The following CNOT6L variants were observed in gnomAD, a reference collection of about 807,000 sequenced individuals.
CNOT6L encodes CCR4-NOT transcription complex subunit 6-like.
CNOT6L carries 7 observed loss-of-function variants against 64.0 expected under a neutral mutation model. The ratio of observed to expected loss-of-function variants is 0.11; its 90% CI spans 0.06 to 0.21. The LOEUF (loss-of-function observed/expected upper bound fraction) is 0.21, where lower values mean the gene tolerates loss of function less well. CNOT6L is among the 10% of genes least tolerant of loss of function. The pLI, the probability that CNOT6L is intolerant of heterozygous loss-of-function variation, is 1.00. For missense variants in CNOT6L, 245 were observed against 669.0 expected (o/e 0.37, Z 6.99); for synonymous variants, 193 against 243.4 (o/e 0.79, Z 1.93).
intron 4 of CNOT6L, among the ~76,000 whole-genome samples, chr4:77,764,603 T>C (rs1207658666): frequency 6.6e-6 from 1 of 152,148 alleles, no homozygotes; most frequent in Non-Finnish European, 1.5e-5. Flanking sequence ...CAGTAACATC[T>C]TTCTGGCAAA....
At position 77,744,701 on chromosome 4, in the gene CNOT6L, AATTTCT is replaced by A. The variant is rs766380684; in HGVS notation, c.717+11_717+16del. The A allele has an allele frequency of 4.4e-6, 7 of 1,592,590 alleles. No homozygotes were observed. In the South Asian group the frequency reaches 8.0e-5, roughly 18 times the overall value. On this transcript the variant is annotated intron_variant, in intron 7 of 11. Coordinates refer to ENST00000504123, the MANE Select transcript of CNOT6L (RefSeq NM_144571.3). ...TCACCTTTTAAGTTAAAGACAGTTT[AATTTCT>A]ATGGTGTTACCTGAAGACTAATGAT...
intron 1 of CNOT6L, among the ~76,000 whole-genome samples, chr4:77,806,746 T>A (rs1732269583): frequency 6.6e-6 from 1 of 152,118 alleles, no homozygotes; most frequent in African/African-American, 2.4e-5. Flanking sequence ...CCCTCCACGA[T>A]CATTCTCCAA....
chr4:77,816,705 T>C (rs1167305042), intron 1 of CNOT6L, among the ~76,000 whole-genome samples: 2 of 152,124 alleles, frequency 1.3e-5, no homozygotes. Context: ...TACAAATAAA[T>C]TACGTAAGCC....
chr4:77,756,422 C>T (rs1471893156), intron 5 of CNOT6L, among the ~76,000 whole-genome samples: 1 of 152,162 alleles, frequency 6.6e-6, no homozygotes, highest in Non-Finnish European at 1.5e-5. Context: ...TCAAACTAGT[C>T]ATTTCATTCA....
intron 1 of CNOT6L, among the ~76,000 whole-genome samples, 160 bp from the exon 2 acceptor site, chr4:77,776,552 T>A (rs1167558469): frequency 6.6e-6 from 1 of 152,184 alleles, no homozygotes; most frequent in East Asian, 1.9e-4. Flanking sequence ...ACACACATTA[T>A]CTGCAGTATG....
chr4:77,772,975 A>T, intron 4 of CNOT6L, 106 bp downstream of exon 4: 1 of 671,374 alleles, frequency 1.5e-6, no homozygotes, highest in Non-Finnish European at 2.6e-6. Context: ...AAGAGAAAGT[A>T]CACGTAGTCA....
In CNOT6L at chr4:77,726,290, A is replaced by G; in HGVS notation, c.1332T>C (p.Leu444=). The change falls in exon 11 of 12, where the codon CTT becomes CTC. Residue 444 remains leucine (L), a synonymous_variant. Coordinates refer to ENST00000504123, the MANE Select transcript of CNOT6L (RefSeq NM_144571.3). The part of the protein sequence containing the change: ...DFKELRYNEC[L]MNFSCNGKNG... ...TCTTTCCATTGCAGCTGAAGTTCAT[A>G]AGACACTCATTGTACCTTAGTTCCT... The G allele has an allele frequency of 6.2e-7, 1 of 1,613,828 alleles. No homozygotes were observed. Among genetic ancestry groups the G allele is most frequent in the African/African-American group, 1.3e-5 (1 of 75,034 alleles).
intron 5 of CNOT6L, among the ~76,000 whole-genome samples, chr4:77,754,335 C>G (rs939088389): frequency 6.6e-6 from 1 of 151,954 alleles, no homozygotes; most frequent in African/African-American, 2.4e-5. Flanking sequence ...TATTTTTAAG[C>G]GAATTAAGAA....
At chr4:77,805,977 G>A (rs1450858058) in intron 1 of CNOT6L, among the ~76,000 whole-genome samples, 3 of 152,146 alleles carry the variant, frequency 2.0e-5, no homozygotes, top group Non-Finnish European at 2.9e-5. Context: ...TTCCTTCCTT[G>A]ACCTGCCTCT....
rs1224253268 is a variant in CNOT6L at position 77,720,609 on chromosome 4, T to A, written c.1490A>T (p.His497Leu). ...VIDYIFYSKT[H>L]MNVLGVLGPL... ...CCCCAGGACACCAAGCACGTTCATA[T>A]GAGTCTTGGAATAGAAAATGTAGTC... Residue 497 changes from histidine (H) to leucine (L), a missense_variant, in exon 12 of 12, where the codon CAT becomes CTT. Coordinates refer to ENST00000504123, the MANE Select transcript of CNOT6L (RefSeq NM_144571.3). The A allele has an allele frequency of 1.2e-6, 2 of 1,613,280 alleles. No homozygotes were observed. The highest frequency in any genetic ancestry group is 1.1e-5 in the South Asian group (1 of 91,074).
chr4:77,726,244 T>G lies in CNOT6L; in HGVS notation c.1378A>C (p.Ile460Leu). 1 of 1,613,888 alleles carries G rather than the reference T, an allele frequency of 6.2e-7. No homozygotes were observed. Among genetic ancestry groups the G allele is most frequent in the Non-Finnish European group, 8.5e-7 (1 of 1,179,792 alleles). The change falls in exon 11 of 12, where the codon ATC (isoleucine) becomes CTC (leucine). Residue 460 changes from isoleucine (I) to leucine (L), a missense_variant. Transcript: ENST00000504123. ...CTCTTAAGTTGGAAGCCATGTGTGA[T>G]TCTCCCTTCTGAGCTTCCATTCTTT... ...NGKNGSSEGR[I>L]THGFQLKSAY...
intron 8 of CNOT6L, among the ~76,000 whole-genome samples, chr4:77,741,537 G>A (rs1723588602): frequency 1.3e-5 from 2 of 152,214 alleles, no homozygotes; most frequent in South Asian, 4.1e-4. Flanking sequence ...CTCTGTGCCT[G>A]CCTCTCTTAT....
intron 7 of CNOT6L, 93 bp from the exon 8 acceptor site, chr4:77,742,388 A>G (rs1355505847): frequency 2.6e-6 from 3 of 1,160,060 alleles, no homozygotes; most frequent in East Asian, 5.1e-5. Context: ...GATGTAACTT[A>G]GTAAAAATAA....
intron 8 of CNOT6L, among the ~76,000 whole-genome samples, chr4:77,734,981 T>C (rs184953862): frequency 1.3e-5 from 2 of 152,298 alleles, no homozygotes; most frequent in South Asian, 2.1e-4. Flanking sequence ...ACTTCATATA[T>C]GTTAGTCCTA....
At chr4:77,813,494 G>A (rs1424791341) in intron 1 of CNOT6L, among the ~76,000 whole-genome samples, 1 of 152,018 alleles carries the variant, frequency 6.6e-6, no homozygotes, top group Non-Finnish European at 1.5e-5. Flanking sequence ...CTCACAAAAT[G>A]GAGGAAAATA....
In CNOT6L at chr4:77,716,675, A is replaced by AC. The variant is rs1720781504; in HGVS notation, c.*3755_*3756insG. 3 of 152,522 alleles carry AC rather than the reference A, an allele frequency of 2.0e-5. No homozygotes were observed. The highest frequency in any genetic ancestry group is 7.2e-5 in the African/African-American group (3 of 41,424). The allele number at this position is 152,522 out of a possible 1,614,324, so 9.4% of individuals were successfully genotyped here. A position where few individuals can be genotyped will look rare whatever the true frequency, so the allele number is the denominator to read the frequency against. On this transcript the variant is annotated 3_prime_UTR_variant, in exon 12 of 12. Transcript: ENST00000504123. ...TAGAATCAAGTGATATGAGCCTTAG[A>AC]TATCTTTCAACTTTCTCCCTTGCTT...
intron 4 of CNOT6L, among the ~76,000 whole-genome samples, chr4:77,766,678 C>A (rs990319165): frequency 3.1e-4 from 45 of 144,994 alleles, no homozygotes; most frequent in Admixed American, 4.8e-4. Context: ...TTAAAACAAA[C>A]AAAAAACAAA....
intron 4 of CNOT6L, among the ~76,000 whole-genome samples, chr4:77,770,738 C>T (rs904528280): frequency 6.6e-6 from 1 of 152,192 alleles, no homozygotes; most frequent in African/African-American, 2.4e-5. Flanking sequence ...TCAGTGGCGT[C>T]TGACTTGATA....
intron 4 of CNOT6L, 34 bp downstream of exon 4, chr4:77,773,047 C>T (rs759385814): frequency 4.2e-6 from 6 of 1,421,652 alleles, no homozygotes; most frequent in Non-Finnish European, 5.8e-6. Context: ...TTAAAAGGCT[C>T]AGAATACCTC....
Sources: allele counts gnomAD v4.1 joint callset (sites outside exome capture counted in the v4.1 genomes callset), GRCh38; gene constraint gnomAD v4.1.1; transcripts MANE v1.5; gene names NCBI Gene and HGNC (gene_info 2026-07-23, HGNC 2026-07-21).